Variants in TBX19 observed in about 807,000 individuals in gnomAD.
TBX19 encodes the protein T-box transcription factor 19.
In TBX19, 33 loss-of-function variants were observed where a neutral mutation model predicts 40.9. The ratio of observed to expected loss-of-function variants is 0.81; its 90% CI spans 0.61 to 1.08. The LOEUF is 1.08. Ranked by LOEUF, TBX19 falls within the 50% of genes least tolerant of loss-of-function variation. The probability of loss-of-function intolerance (pLI) is 0.00; values close to 1 mark genes in which losing one functional copy is unlikely to be tolerated. For missense variants in TBX19, 494 were observed against 574.0 expected, an observed-to-expected ratio of 0.86 and a Z score of 1.42; for synonymous variants, 220 against 225.0, an observed-to-expected ratio of 0.98 and a Z score of 0.20.
chr1:168,298,819 CTT>C (rs1491350126), intron 4 of TBX19, among the ~76,000 whole-genome samples: 5 of 47,578 alleles, frequency 1.1e-4, no homozygotes, highest in African/African-American at 4.3e-4. Context: ...CCCTCCCTCC[CTT>C]CCTTTCTTTC....
intron 6 of TBX19, among the ~76,000 whole-genome samples, chr1:168,305,580 G>A (rs1017651757): frequency 6.6e-6 from 1 of 152,136 alleles, no homozygotes; most frequent in Non-Finnish European, 1.5e-5. Context: ...TTGCATTCAT[G>A]GCTCAGTTCA....
rs1424550912 is a variant in TBX19, at chr1:168,312,825, A to G, written c.1170A>G (p.Ser390=). The G allele has an allele frequency of 6.2e-7, 1 of 1,613,900 alleles. No individual in the cohort carries two copies. The highest frequency in any genetic ancestry group is 8.5e-7 in the Non-Finnish European group (1 of 1,179,978). ...TCCTCGGAAACCCAGCTGTGACTTC[A>G]CCCCCTTCTGTGCTCTCCACCCAAG... ...AFLLGNPAVT[S]PPSVLSTQAP... Residue 390 remains serine (S), a synonymous_variant, in exon 8 of 8, where the codon TCA becomes TCG. Transcript: ENST00000367821.
chr1:168,297,598 C>T lies in TBX19; in HGVS notation c.604-126C>T, dbSNP rs778409511. On this transcript the variant is annotated intron_variant, in intron 3 of 7. Transcript: ENST00000367821. ...GAGTGCTGGGATTACAGGCATAAGC[C>T]ATCGTGCCTGGTGGGAAAGGGAAGG... 81 of 823,874 alleles carry T rather than the reference C, an allele frequency of 9.8e-5. No individual in the cohort carries two copies. The South Asian group carries it at 1.0e-3, about 10-fold the overall frequency. 51.0% of individuals were successfully genotyped at this position (823,874 alleles called of 1,614,324 possible).
intron 6 of TBX19, among the ~76,000 whole-genome samples, chr1:168,307,068 T>C (rs1160929291): frequency 6.6e-6 from 1 of 151,844 alleles, no homozygotes; most frequent in Non-Finnish European, 1.5e-5. Context: ...TGAGCAAAGA[T>C]ACAGAAAGGG....
rs567056722 is a variant in TBX19, at chr1:168,281,023, T to C, written c.-68T>C. 1.2e-5 allele frequency: 18 copies of C among 1,475,268 alleles called. No individual in the cohort carries two copies. In the African/African-American group the frequency reaches 2.5e-4, roughly 20 times the overall value. 91.4% of individuals were successfully genotyped at this position (1,475,268 alleles called of 1,614,324 possible). A position where few individuals can be genotyped will look rare whatever the true frequency, so the allele number is the denominator to read the frequency against. On this transcript the variant is annotated 5_prime_UTR_variant, in exon 1 of 8. Coordinates refer to ENST00000367821, the MANE Select transcript of TBX19 (RefSeq NM_005149.3). ...CAAGTGGGTTTGAAAAGCAGGCAAG[T>C]GAGGGAAGGAAGAAGCTAGAAGCAG...
intron 5 of TBX19, among the ~76,000 whole-genome samples, chr1:168,303,956 C>T (rs1649342839): frequency 6.6e-6 from 1 of 152,172 alleles, no homozygotes; most frequent in Admixed American, 6.5e-5. Flanking sequence ...GGCTTATTTA[C>T]TGCATCCTGT....
chr1:168,308,551 A>C (rs539800827), intron 6 of TBX19, 191 bp from the exon 7 acceptor site: 1 of 655,498 alleles, frequency 1.5e-6, no homozygotes, highest in African/African-American at 1.8e-5. Context: ...TATGAATGAC[A>C]CCTGGCATAT....
In TBX19 at chr1:168,293,291, G is replaced by T. The variant is rs762160668; in HGVS notation, c.603+13G>T. 1.1e-5 allele frequency: 13 copies of T among 1,157,516 alleles called. No individual in the cohort carries two copies. The highest frequency in any genetic ancestry group is 2.7e-5 in the African/African-American group (1 of 37,122). The allele number at this position is 1,157,516 out of a possible 1,614,324, so 71.7% of individuals were successfully genotyped here. A position where few individuals can be genotyped will look rare whatever the true frequency, so the allele number is the denominator to read the frequency against. On this transcript the variant is annotated intron_variant, in intron 3 of 7. Coordinates refer to ENST00000367821, the MANE Select transcript of TBX19 (RefSeq NM_005149.3). ...TCAGAATGAGGAGGTAAGAGTGTGT[G>T]TGTGTGTGTGTGTGTGTGTGTGTGT...
chr1:168,294,338 C>CTTTT (rs71118921), intron 3 of TBX19, among the ~76,000 whole-genome samples: 1 of 145,658 alleles, frequency 6.9e-6, no homozygotes, highest in Non-Finnish European at 1.5e-5. Flanking sequence ...CAACTGTTTT[C>CTTTT]TTTTTTTTTT....
At position 168,291,157 on chromosome 1, in the gene TBX19, T is replaced by C. The variant is rs200043223; in HGVS notation, c.204-3T>C. 1,510 of 1,614,102 alleles carry C rather than the reference T, an allele frequency of 9.4e-4. 1 individual carries two copies. The highest frequency in any genetic ancestry group is 1.2e-3 in the Non-Finnish European group (1,361 of 1,180,034). On this transcript the variant is annotated splice_polypyrimidine_tract_variant and splice_region_variant and intron_variant, in intron 1 of 7. Transcript: ENST00000367821. ...GTGGCTAAGTTTCTGCCTTTCCTTT[T>C]AGACGGATGTTTCCAGTCCTAAAGA... is the stretch of plus-strand genomic sequence containing the variant.
At chr1:168,294,351 G>C (rs1289963972) in intron 3 of TBX19, among the ~76,000 whole-genome samples, 1 of 135,586 alleles carries the variant, frequency 7.4e-6, no homozygotes, top group African/African-American at 2.9e-5. Flanking sequence ...TTTTTTTTTT[G>C]AGACAGAGTT....
At chr1:168,308,312 A>T (rs1214968456) in intron 6 of TBX19, 1 of 269,090 alleles carries the variant, frequency 3.7e-6, no homozygotes, top group Non-Finnish European at 7.2e-6. Flanking sequence ...ATTTAAACCT[A>T]CTCAGGGATG....
Position 168,312,918 on chromosome 1 carries a change from G to A in TBX19, c.1263G>A (p.Trp421Ter). The A allele has an allele frequency of 6.2e-7, 1 of 1,614,266 alleles. No homozygotes were observed. The highest frequency in any genetic ancestry group is 1.3e-5 in the African/African-American group (1 of 75,076). The change falls in exon 8 of 8, where the codon TGG (tryptophan) becomes TGA (stop). Residue 421 changes from tryptophan (W) to a stop codon, truncating the protein, a stop_gained. Coordinates refer to ENST00000367821, the MANE Select transcript of TBX19 (RefSeq NM_005149.3). LOFTEE classifies it high-confidence loss of function. ...TAACCAGCATTGCTGTGTCCACCTG[G>A]ACAGCAGTGGCCTCGCATCCCTTCG... ...PSLTSIAVST[W>*]TAVASHPFAG...
intron 6 of TBX19, among the ~76,000 whole-genome samples, chr1:168,307,212 T>G (rs1322036338): frequency 6.6e-6 from 1 of 152,154 alleles, no homozygotes; most frequent in East Asian, 1.9e-4. Flanking sequence ...TGGCCAGGTG[T>G]CTTAGTCCCC....
chr1:168,309,678 A>G (rs918683196), intron 7 of TBX19, among the ~76,000 whole-genome samples: 62 of 152,082 alleles, frequency 4.1e-4, no homozygotes, highest in Non-Finnish European at 4.4e-5. Context: ...AACCTGCATT[A>G]AGTTCTGACT....
At chr1:168,312,537 A>G (rs1649549810) in intron 7 of TBX19, among the ~76,000 whole-genome samples, 171 bp from the exon 8 acceptor site, 1 of 152,222 alleles carries the variant, frequency 6.6e-6, no homozygotes, top group Non-Finnish European at 1.5e-5. Flanking sequence ...TGCTTCTCTT[A>G]GCTTTTCTGC....
chr1:168,281,390 C>T (rs756755472), intron 1 of TBX19, 97 bp downstream of exon 1: 60 of 1,158,690 alleles, frequency 5.2e-5, no homozygotes, highest in East Asian at 1.7e-4. Context: ...CACTCAGAGG[C>T]GGCGGGATCT....
chr1:168,304,083 C>T (rs1312028176), intron 5 of TBX19, among the ~76,000 whole-genome samples: 1 of 152,186 alleles, frequency 6.6e-6, no homozygotes, highest in East Asian at 1.9e-4. Flanking sequence ...TTTACCCGGC[C>T]CCTATTCAAG....
chr1:168,298,010 C>A (rs1199686401), intron 4 of TBX19, among the ~76,000 whole-genome samples: 1 of 152,030 alleles, frequency 6.6e-6, no homozygotes, highest in Non-Finnish European at 1.5e-5. Context: ...TCCTGGCTAA[C>A]ATGGTGAAAC....
Sources: gnomAD v4.1 joint callset for allele counts (sites outside exome capture counted in the v4.1 genomes callset) on GRCh38, gnomAD v4.1.1 for gene constraint, MANE v1.5 for transcripts, NCBI Gene and HGNC (gene_info 2026-07-23, HGNC 2026-07-21) for gene names.